The following WDR72 variants were observed in gnomAD, a reference collection of about 807,000 sequenced individuals.
WDR72 encodes the protein WD repeat domain 72.
A neutral mutation model predicts 124.2 loss-of-function variants in WDR72; 120 were observed. That is an observed-to-expected ratio of 0.97 (90% CI 0.83 to 1.12). The LOEUF is 1.12. Ranked by LOEUF, WDR72 falls within the 50% of genes most tolerant of loss-of-function variation. WDR72 has a pLI of 0.00. For synonymous variants in WDR72, 452 were observed against 441.7 expected, an observed-to-expected ratio of 1.02 and a Z score of -0.29; for missense variants, 1,387 against 1,278.8, an observed-to-expected ratio of 1.08 and a Z score of -1.29.
chr15:53,579,729 T>C lies in WDR72; in HGVS notation c.3148+17350A>G, dbSNP rs1247064068. 3.3e-5 allele frequency among the ~76,000 whole-genome samples: 5 copies of C among 152,240 alleles called. No homozygotes were observed. In the East Asian group the frequency reaches 9.7e-4, roughly 30 times the overall value. On this transcript the variant is annotated intron_variant, in intron 18 of 19. Transcript: ENST00000360509. ...AGACTCAATGACCTGCAAATGATTCTGACTCAAAGACTCTATGAGTCCTGT... is the reference window on the plus strand; with the variant it reads ...AGACTCAATGACCTGCAAATGATTCCGACTCAAAGACTCTATGAGTCCTGT...
At chr15:53,661,972 A>T (rs1210947977) in intron 14 of WDR72, among the ~76,000 whole-genome samples, 1 of 152,202 alleles carries the variant, frequency 6.6e-6, no homozygotes, top group Non-Finnish European at 1.5e-5. Flanking sequence ...TTCATTTTAC[A>T]GACAAGAAAT....
intron 19 of WDR72, among the ~76,000 whole-genome samples, chr15:53,520,722 C>A (rs115571704): frequency 0.018 from 2,691 of 152,106 alleles, 66 homozygotes; most frequent in African/African-American, 0.047. Flanking sequence ...GGAACCCCTA[C>A]ATTTTGAAAG....
chr15:53,715,210 T>G lies in WDR72; in HGVS notation c.497A>C (p.His166Pro). ...ACTATTACCTTGAATTCTCATGGAG[T>G]GAACAATGCACATGCAGTTGATCCA... Reference protein sequence around the residue: ...PDWINCMCIVHSMRIQEDSLL... With the variant: ...PDWINCMCIVPSMRIQEDSLL... Residue 166 changes from histidine to proline, a missense_variant, in exon 5 of 20, where the codon CAC (histidine) becomes CCC (proline). His to Pro is a moderately conservative substitution (Grantham distance 77). Transcript: ENST00000360509. The G allele has an allele frequency of 6.2e-7, 1 of 1,614,086 alleles. No homozygotes were observed.
intron 18 of WDR72, among the ~76,000 whole-genome samples, chr15:53,533,351 T>C (rs909915919): frequency 6.9e-6 from 1 of 145,604 alleles, no homozygotes. Flanking sequence ...ATGACTGTCA[T>C]TTTCTCATTT....
At chr15:53,688,830 G>A (rs1200582557) in intron 13 of WDR72, among the ~76,000 whole-genome samples, 1 of 151,934 alleles carries the variant, frequency 6.6e-6, no homozygotes, top group Non-Finnish European at 1.5e-5. Flanking sequence ...CAAGGCTACA[G>A]TAACCAAAAC....
chr15:53,619,281 T>TGC (rs1462528709), intron 14 of WDR72, among the ~76,000 whole-genome samples: 2 of 151,594 alleles, frequency 1.3e-5, no homozygotes, highest in Non-Finnish European at 2.9e-5. Flanking sequence ...TGTGTGTGTG[T>TGC]GTGTGTGTGT....
intron 17 of WDR72, among the ~76,000 whole-genome samples, chr15:53,601,595 T>A (rs1172412331): frequency 6.8e-6 from 1 of 147,222 alleles, no homozygotes; most frequent in Non-Finnish European, 1.5e-5. Context: ...ACTATCGGTA[T>A]GTCGTCTTCA....
intron 14 of WDR72, among the ~76,000 whole-genome samples, chr15:53,619,389 C>T (rs1448204197): frequency 1.3e-5 from 2 of 151,658 alleles, no homozygotes; most frequent in African/African-American, 4.8e-5. Context: ...TCCAGGGGTA[C>T]TACCAAATAG....
chr15:53,570,826 T>TC (rs1595766484), intron 18 of WDR72, among the ~76,000 whole-genome samples: 1 of 152,056 alleles, frequency 6.6e-6, no homozygotes, highest in Admixed American at 6.6e-5. Context: ...CATGGGATGA[T>TC]CCCAGGTGCC....
chr15:53,734,274 G>T (rs1259606801), intron 1 of WDR72, among the ~76,000 whole-genome samples: 3 of 151,906 alleles, frequency 2.0e-5, no homozygotes, highest in Non-Finnish European at 4.4e-5. Context: ...CACTTCTTAG[G>T]TCAATATGTT....
intron 1 of WDR72, among the ~76,000 whole-genome samples, chr15:53,733,539 G>A (rs137909681): frequency 2.1e-4 from 32 of 152,186 alleles, no homozygotes; most frequent in African/African-American, 7.7e-4. Flanking sequence ...CAGCTTTGCA[G>A]ACTCTCTCTC....
At chr15:53,676,816 T>C (rs940726965) in intron 13 of WDR72, among the ~76,000 whole-genome samples, 1 of 152,146 alleles carries the variant, frequency 6.6e-6, no homozygotes, top group African/African-American at 2.4e-5. Flanking sequence ...TTATACGCAA[T>C]AGGAAATTAA....
intron 18 of WDR72, among the ~76,000 whole-genome samples, chr15:53,545,380 T>C (rs2140268720): frequency 6.7e-6 from 1 of 149,618 alleles, no homozygotes; most frequent in Non-Finnish European, 1.5e-5. Flanking sequence ...CTATCTGATC[T>C]TTGACAAACC....
At chr15:53,598,427 G>A (rs1426648193) in intron 17 of WDR72, among the ~76,000 whole-genome samples, 4 of 152,086 alleles carry the variant, frequency 2.6e-5, no homozygotes, top group African/African-American at 9.7e-5. Flanking sequence ...AACACCGAGA[G>A]TGGTGACCTA....
In WDR72 at chr15:53,736,923, AG is replaced by A. The variant is rs530367776; in HGVS notation, c.-12-3763del. ...GAAAAAAAGAGTTAGAAATATGGAAAGGAAAAAACTTGAATGATCCCTGTGG... is the reference window on the plus strand; with the variant it reads ...GAAAAAAAGAGTTAGAAATATGGAAAGAAAAAACTTGAATGATCCCTGTGG... On this transcript the variant is annotated intron_variant, in intron 1 of 19. Coordinates refer to ENST00000360509, the MANE Select transcript of WDR72 (RefSeq NM_182758.4). Among the ~76,000 whole-genome samples, 297 of 152,180 alleles carry A rather than the reference AG, an allele frequency of 2.0e-3. 1 individual carries two copies. Among genetic ancestry groups the A allele is most frequent in the Admixed American group, 2.8e-3 (43 of 15,276 alleles).
chr15:53,529,164 A>ATATATATATTTTTTTT (rs59003623), intron 18 of WDR72, among the ~76,000 whole-genome samples: 62 of 78,128 alleles, frequency 7.9e-4, no homozygotes, highest in African/African-American at 2.3e-3. Flanking sequence ...ATATATATAT[A>ATATATATATTTTTTTT]TTTTTTTTTT....
intron 18 of WDR72, among the ~76,000 whole-genome samples, chr15:53,579,736 A>G (rs949866425): frequency 6.6e-6 from 1 of 152,118 alleles, no homozygotes; most frequent in Non-Finnish European, 1.5e-5. Context: ...TTCTGACTCA[A>G]AGACTCTATG....
At chr15:53,641,488 G>A (rs2014848714) in intron 14 of WDR72, among the ~76,000 whole-genome samples, 1 of 151,980 alleles carries the variant, frequency 6.6e-6, no homozygotes, top group African/African-American at 2.4e-5. Flanking sequence ...TGTTTTTCAA[G>A]AAGAATTTTA....
intron 2 of WDR72, among the ~76,000 whole-genome samples, chr15:53,727,123 C>G (rs2018063258): frequency 6.7e-6 from 1 of 149,964 alleles, no homozygotes; most frequent in Non-Finnish European, 1.5e-5. Flanking sequence ...ACCAGCCTAG[C>G]CAACATAGTG....
Sources: allele counts gnomAD v4.1 joint callset (sites outside exome capture counted in the v4.1 genomes callset), GRCh38; gene constraint gnomAD v4.1.1; transcripts MANE v1.5; gene names NCBI Gene and HGNC (gene_info 2026-07-23, HGNC 2026-07-21).